Variants in PTPN9 observed in about 807,000 individuals in gnomAD.
PTPN9 encodes the protein tyrosine-protein phosphatase non-receptor type 9.
PTPN9 carries 26 observed loss-of-function variants against 69.8 expected under a neutral mutation model. The ratio of observed to expected loss-of-function variants is 0.37; its 90% CI spans 0.27 to 0.52. The LOEUF is 0.52. Ranked by LOEUF, PTPN9 falls within the 20% of genes least tolerant of loss-of-function variation. The pLI is 0.91. For missense variants in PTPN9, 549 were observed against 740.3 expected (o/e 0.74, Z 3.00); for synonymous variants, 274 against 272.5 (o/e 1.01, Z -0.05).
intron 1 of PTPN9, among the ~76,000 whole-genome samples, chr15:75,562,791 CAAAAAAAAAAAAAA>C (rs60164759): frequency 6.2e-5 from 5 of 80,056 alleles, no homozygotes; most frequent in South Asian, 5.0e-4. Flanking sequence ...AGACTCGTTT[CAAAAAAAAAAAAAA>C]AAAAAAAAAA....
chr15:75,488,918 G>A (rs1459383124), intron 8 of PTPN9, among the ~76,000 whole-genome samples: 1 of 152,156 alleles, frequency 6.6e-6, no homozygotes, highest in African/African-American at 2.4e-5. Context: ...GCTCATGCCT[G>A]TAATCCCAGC....
At chr15:75,567,161 G>A (rs556025047) in intron 1 of PTPN9, among the ~76,000 whole-genome samples, 2 of 151,802 alleles carry the variant, frequency 1.3e-5, no homozygotes, top group Non-Finnish European at 2.9e-5. Flanking sequence ...AATTACAGGC[G>A]TACACCACCA....
chr15:75,500,408 A>G (rs2074766514), intron 7 of PTPN9, among the ~76,000 whole-genome samples: 1 of 152,044 alleles, frequency 6.6e-6, no homozygotes, highest in South Asian at 2.1e-4. Context: ...GTGTGGTGGC[A>G]CACACCTGTA....
At chr15:75,470,056 C>T (rs2074555919) in intron 11 of PTPN9, 57 bp from the exon 12 acceptor site, 2 of 1,475,718 alleles carry the variant, frequency 1.4e-6, no homozygotes, top group Non-Finnish European at 1.9e-6. Flanking sequence ...CCCCTAGCTA[C>T]CTCTGGCTTT....
chr15:75,507,880 TA>T (rs1317323416), intron 6 of PTPN9, among the ~76,000 whole-genome samples: 3 of 150,432 alleles, frequency 2.0e-5, no homozygotes, highest in African/African-American at 7.3e-5. Flanking sequence ...CCGTCTCTAC[TA>T]AAAATACAAA....
Position 75,527,109 on chromosome 15 carries a change from G to A in PTPN9, c.207+9C>T. 6.2e-7 allele frequency: 1 copy of A among 1,614,104 alleles called. No homozygotes were observed. Among genetic ancestry groups the A allele is most frequent in the Non-Finnish European group, 8.5e-7 (1 of 1,179,994 alleles). ...TGCCACAGGTCTGGTCTACCCCTGA[G>A]CCACATACTCTGTAGGAGTGGAACA... On this transcript the variant is annotated intron_variant, in intron 2 of 12. Transcript: ENST00000618819.
intron 1 of PTPN9, among the ~76,000 whole-genome samples, chr15:75,548,567 T>C (rs1041936145): frequency 6.6e-6 from 1 of 151,330 alleles, no homozygotes; most frequent in African/African-American, 2.4e-5. Context: ...TATCATAATA[T>C]GAACTTCTAA....
chr15:75,511,125 A>T (rs2074843388), intron 5 of PTPN9, among the ~76,000 whole-genome samples: 1 of 152,192 alleles, frequency 6.6e-6, no homozygotes, highest in South Asian at 2.1e-4. Flanking sequence ...GTTGATGGAC[A>T]TTTGGGTTGT....
intron 1 of PTPN9, among the ~76,000 whole-genome samples, chr15:75,560,845 G>A (rs577967293): frequency 1.3e-4 from 19 of 148,666 alleles, no homozygotes; most frequent in Middle Eastern, 3.7e-3. Context: ...ATGGTGAAAC[G>A]CCGTCTCTAC....
intron 7 of PTPN9, among the ~76,000 whole-genome samples, chr15:75,499,399 CTTTTTTT>C (rs71440245): frequency 5.9e-5 from 5 of 84,524 alleles, no homozygotes; most frequent in Admixed American, 1.5e-4. Flanking sequence ...TCTAAACCCA[CTTTTTTT>C]TTTTTTTTTT....
intron 7 of PTPN9, among the ~76,000 whole-genome samples, chr15:75,503,364 C>T (rs1419158716): frequency 3.7e-3 from 442 of 120,008 alleles, no homozygotes; most frequent in Middle Eastern, 9.6e-3. Context: ...TCTGCCCAGC[C>T]GCCCCGTCTG....
chr15:75,519,948 G>A (rs1440341019), intron 4 of PTPN9, among the ~76,000 whole-genome samples: 2 of 152,086 alleles, frequency 1.3e-5, no homozygotes, highest in African/African-American at 4.8e-5. Context: ...GGTCAACAGA[G>A]TGAAACTCCG....
chr15:75,517,207 A>G, intron 5 of PTPN9, 52 bp downstream of exon 5: 1 of 1,315,246 alleles, frequency 7.6e-7, no homozygotes, highest in South Asian at 1.3e-5. Flanking sequence ...TTAAAAAAAT[A>G]TATATATCCC....
chr15:75,484,292 A>G (rs2074660883), intron 8 of PTPN9, among the ~76,000 whole-genome samples: 1 of 152,222 alleles, frequency 6.6e-6, no homozygotes, highest in African/African-American at 2.4e-5. Context: ...AATGAGAGGC[A>G]AGGCAAGCAA....
At chr15:75,515,563 T>C (rs933459244) in intron 5 of PTPN9, among the ~76,000 whole-genome samples, 1 of 151,872 alleles carries the variant, frequency 6.6e-6, no homozygotes, top group African/African-American at 2.4e-5. Context: ...AGCCCAGGAA[T>C]TCAAGACCAG....
At chr15:75,541,122 C>G (rs528824721) in intron 1 of PTPN9, among the ~76,000 whole-genome samples, 1 of 152,070 alleles carries the variant, frequency 6.6e-6, no homozygotes, top group Admixed American at 6.6e-5. Flanking sequence ...CAGGATCTTG[C>G]TCTTGCCCAG....
intron 10 of PTPN9, among the ~76,000 whole-genome samples, chr15:75,473,174 T>G (rs1350681731): frequency 1.3e-5 from 2 of 152,116 alleles, no homozygotes; most frequent in Non-Finnish European, 2.9e-5. Flanking sequence ...TTAGATCTAT[T>G]CATCTCCACC....
chr15:75,574,053 G>T (rs1445759582), intron 1 of PTPN9, among the ~76,000 whole-genome samples: 3 of 152,150 alleles, frequency 2.0e-5, no homozygotes, highest in African/African-American at 7.2e-5. Context: ...AGTGTGCATG[G>T]AGCAGAGACA....
chr15:75,472,879 CG>C (rs1389385375), intron 10 of PTPN9, among the ~76,000 whole-genome samples: 1 of 150,886 alleles, frequency 6.6e-6, no homozygotes, highest in Non-Finnish European at 1.5e-5. Context: ...ACCTGGGAGA[CG>C]GAAGTTACAG....
Sources: allele counts gnomAD v4.1 joint callset (sites outside exome capture counted in the v4.1 genomes callset), GRCh38; gene constraint gnomAD v4.1.1; transcripts MANE v1.5; gene names NCBI Gene and HGNC (gene_info 2026-07-23, HGNC 2026-07-21).